Variants in BABAM2 observed in about 807,000 individuals in gnomAD.
BABAM2 encodes BRISC and BRCA1-A complex member 2.
Under a neutral mutation model 54.7 loss-of-function variants are expected in BABAM2, and 31 were observed. That is an observed-to-expected ratio of 0.57 (90% CI 0.43 to 0.77). The LOEUF is 0.77. Ranked by LOEUF, BABAM2 falls within the 30% of genes least tolerant of loss-of-function variation. The probability of loss-of-function intolerance (pLI) is 0.00; values close to 1 mark genes in which losing one functional copy is unlikely to be tolerated. For missense variants in BABAM2, 364 were observed against 455.8 expected (o/e 0.80, Z 1.83); for synonymous variants, 167 against 162.9 (o/e 1.03, Z -0.19).
At chr2:27,968,457 G>C (rs1670978053) in intron 3 of BABAM2, among the ~76,000 whole-genome samples, 1 of 152,214 alleles carries the variant, frequency 6.6e-6, no homozygotes, top group Non-Finnish European at 1.5e-5. Flanking sequence ...CTGCAGGAGT[G>C]GGGCCCTCAT....
intron 6 of BABAM2, among the ~76,000 whole-genome samples, chr2:28,116,203 G>T (rs982356867): frequency 3.9e-5 from 6 of 152,114 alleles, no homozygotes. Flanking sequence ...GAGGCTGGGA[G>T]AAATATATGG....
chr2:28,095,773 T>C (rs1666564977), intron 6 of BABAM2, among the ~76,000 whole-genome samples: 1 of 152,136 alleles, frequency 6.6e-6, no homozygotes, highest in Non-Finnish European at 1.5e-5. Context: ...ACGTAATAAT[T>C]CCGACAGCTG....
In BABAM2 at chr2:27,926,176, G is replaced by T. The variant is rs115228762; in HGVS notation, c.129-3656G>T. Among the ~76,000 whole-genome samples the T allele has an allele frequency of 7.8e-3, 1,158 of 149,048 alleles. 11 individuals carry two copies. Among genetic ancestry groups the T allele is most frequent in the African/African-American group, 0.027 (1,109 of 40,364 alleles). ...ACTCTTCTGCTAAAAACCCTGCTTT[G>T]TGCTTGGCATAAAAGCTGAATGAAT... On this transcript the variant is annotated intron_variant, in intron 2 of 11. Transcript: ENST00000379624.
chr2:27,951,278 T>G (rs933565412), intron 3 of BABAM2, among the ~76,000 whole-genome samples: 9 of 152,188 alleles, frequency 5.9e-5, no homozygotes, highest in South Asian at 2.1e-4. Flanking sequence ...TGTTTAATGC[T>G]ATAAATTTCC....
At chr2:28,122,890 G>A (rs1269805032) in intron 6 of BABAM2, among the ~76,000 whole-genome samples, 2 of 152,036 alleles carry the variant, frequency 1.3e-5, no homozygotes, top group Admixed American at 1.3e-4. Flanking sequence ...ATTAATAGGT[G>A]TATCCTTGGC....
At chr2:27,975,177 C>T (rs559728760) in intron 3 of BABAM2, among the ~76,000 whole-genome samples, 40 of 152,074 alleles carry the variant, frequency 2.6e-4, no homozygotes, top group African/African-American at 8.9e-4. Context: ...TCAATTTTCC[C>T]TAAATTAATG....
intron 6 of BABAM2, among the ~76,000 whole-genome samples, chr2:28,056,349 T>C (rs1678413479): frequency 6.6e-6 from 1 of 152,256 alleles, no homozygotes; most frequent in Non-Finnish European, 1.5e-5. Context: ...AACCTTTTTA[T>C]TGTCTGTATA....
chr2:28,083,426 C>T (rs74941130), intron 6 of BABAM2, among the ~76,000 whole-genome samples: 4,469 of 152,242 alleles, frequency 0.029, 212 homozygotes, highest in African/African-American at 0.1. Context: ...ATCTGAGAAC[C>T]GTACTGATTT....
chr2:27,962,945 G>T (rs752253574), intron 3 of BABAM2, among the ~76,000 whole-genome samples: 13 of 152,120 alleles, frequency 8.5e-5, no homozygotes, highest in Admixed American at 3.9e-4. Flanking sequence ...TTTGTCGTAG[G>T]AACAAAACAA....
chr2:28,254,858 A>G (rs1167088581), intron 10 of BABAM2, among the ~76,000 whole-genome samples: 2 of 149,398 alleles, frequency 1.3e-5, no homozygotes, highest in Non-Finnish European at 3.0e-5. Flanking sequence ...CTCAGCCTCC[A>G]GAGTAGCTGG....
At chr2:27,922,644 T>G (rs1327633142) in intron 2 of BABAM2, among the ~76,000 whole-genome samples, 1 of 152,152 alleles carries the variant, frequency 6.6e-6, no homozygotes, top group East Asian at 1.9e-4. Flanking sequence ...AAAAGATATA[T>G]TTTTACAGCA....
At chr2:27,913,448 A>G (rs1351197246) in intron 2 of BABAM2, among the ~76,000 whole-genome samples, 1 of 152,176 alleles carries the variant, frequency 6.6e-6, no homozygotes, top group African/African-American at 2.4e-5. Context: ...TCCTAACTAC[A>G]TGTTAGATAA....
rs1448273453 is a variant in BABAM2 at position 28,241,273 on chromosome 2, G to A, written c.781-50G>A. ...AATCTTTGAAATTTCTTATAATAAA[G>A]CATTTAAAAGATTCCCACTCTACTT... On this transcript the variant is annotated intron_variant, in intron 8 of 11. Transcript: ENST00000379624. 7 of 1,523,002 alleles carry A rather than the reference G, an allele frequency of 4.6e-6. No homozygotes were observed. In the East Asian group the frequency reaches 1.6e-4, roughly 34 times the overall value. The allele number at this position is 1,523,002 out of a possible 1,614,324, so 94.3% of individuals were successfully genotyped here.
At chr2:28,072,250 G>T (rs1293743517) in intron 6 of BABAM2, among the ~76,000 whole-genome samples, 1 of 151,572 alleles carries the variant, frequency 6.6e-6, no homozygotes, top group Non-Finnish European at 1.5e-5. Context: ...TTGGCTTACT[G>T]CAACCTTCGC....
At chr2:28,198,098 T>C (rs1677811571) in intron 7 of BABAM2, among the ~76,000 whole-genome samples, 1 of 151,948 alleles carries the variant, frequency 6.6e-6, no homozygotes, top group South Asian at 2.1e-4. Context: ...AATATGCTTA[T>C]GTTGACTTGG....
At chr2:27,929,621 T>G (rs2148350368) in intron 2 of BABAM2, among the ~76,000 whole-genome samples, 1 of 152,312 alleles carries the variant, frequency 6.6e-6, no homozygotes, top group Non-Finnish European at 1.5e-5. Context: ...ACATGTAAGT[T>G]TTATTGTGAA....
At chr2:28,082,303 G>A (rs1280867423) in intron 6 of BABAM2, among the ~76,000 whole-genome samples, 1 of 152,182 alleles carries the variant, frequency 6.6e-6, no homozygotes, top group African/African-American at 2.4e-5. Flanking sequence ...GTCTGATGTG[G>A]TTGAGCACTG....
rs144088681 is a variant in BABAM2 at position 28,235,955 on chromosome 2, C to T, written c.681-1247C>T. 3.5e-3 allele frequency among the ~76,000 whole-genome samples: 536 copies of T among 152,192 alleles called. 11 individuals carry two copies. The highest frequency in any genetic ancestry group is 0.03 in the East Asian group (156 of 5,180). On this transcript the variant is annotated intron_variant, in intron 7 of 11. Transcript: ENST00000379624. Reference sequence around the variant, plus strand: ...GATTATAGTCATGAGCCACTGCAGCCGGCTACCCTGAACTCTTTAGAAATG... The same window carrying T: ...GATTATAGTCATGAGCCACTGCAGCTGGCTACCCTGAACTCTTTAGAAATG...
intron 2 of BABAM2, among the ~76,000 whole-genome samples, chr2:27,908,698 C>T (rs1666365259): frequency 6.6e-6 from 1 of 152,156 alleles, no homozygotes; most frequent in Non-Finnish European, 1.5e-5. Context: ...TAAGTGAGAA[C>T]ATGCAGTATT....
Sources: gnomAD v4.1 joint callset for allele counts (sites outside exome capture counted in the v4.1 genomes callset) on GRCh38, gnomAD v4.1.1 for gene constraint, MANE v1.5 for transcripts, NCBI Gene and HGNC (gene_info 2026-07-23, HGNC 2026-07-21) for gene names.